The following NSRP1 variants were observed in gnomAD, a reference collection of about 807,000 sequenced individuals.
NSRP1 encodes nuclear speckle splicing regulatory protein 1.
A neutral mutation model predicts 54.7 loss-of-function variants in NSRP1; 24 were observed. The observed-to-expected ratio is 0.44, with a 90% CI of 0.32 to 0.62. The LOEUF (loss-of-function observed/expected upper bound fraction) is 0.62, where lower values mean the gene tolerates loss of function less well. Among genes scored for constraint, NSRP1 ranks in the 20% least tolerant of loss-of-function variants. The pLI, the probability that NSRP1 is intolerant of heterozygous loss-of-function variation, is 0.06. For synonymous variants in NSRP1, 210 were observed against 213.8 expected (o/e 0.98, Z 0.15); for missense variants, 596 against 651.2 (o/e 0.92, Z 0.92).
intron 2 of NSRP1, among the ~76,000 whole-genome samples, chr17:30,172,066 T>C (rs1024188504): frequency 1.1e-4 from 16 of 149,764 alleles, no homozygotes; most frequent in African/African-American, 3.9e-4. Flanking sequence ...ATGACAGTAG[T>C]GAATTTAGGA....
intron 2 of NSRP1, among the ~76,000 whole-genome samples, chr17:30,159,358 T>TTG (rs1175262839): frequency 3.3e-5 from 5 of 151,794 alleles, no homozygotes; most frequent in Admixed American, 6.6e-5. Context: ...GAGGTTTTTT[T>TTG]TGTGTGTGTG....
intron 2 of NSRP1, among the ~76,000 whole-genome samples, chr17:30,143,229 ATT>A (rs1434955433): frequency 6.6e-6 from 1 of 152,176 alleles, no homozygotes; most frequent in Admixed American, 6.5e-5. Context: ...TCACTCCTGA[ATT>A]TATCAAAAGC....
chr17:30,133,687 T>C (rs950726744), intron 2 of NSRP1, among the ~76,000 whole-genome samples: 1 of 152,244 alleles, frequency 6.6e-6, no homozygotes, highest in Non-Finnish European at 1.5e-5. Context: ...TTTGTCTACA[T>C]TGAGAATCTG....
Position 30,185,676 on chromosome 17 carries a change from G to A in NSRP1, c.*2G>A. ...TATATTGAGAAAGAAGATGATTGATGGCTACCCCAAGAGAAAGATTTAAGG... is the reference window on the plus strand; with the variant it reads ...TATATTGAGAAAGAAGATGATTGATAGCTACCCCAAGAGAAAGATTTAAGG... On this transcript the variant is annotated 3_prime_UTR_variant, in exon 7 of 7. Transcript: ENST00000247026. 6.4e-7 allele frequency: 1 copy of A among 1,550,922 alleles called. No individual in the cohort carries two copies. Among genetic ancestry groups the A allele is most frequent in the Non-Finnish European group, 8.7e-7 (1 of 1,154,472 alleles).
At chr17:30,142,991 A>G (rs571146890) in intron 2 of NSRP1, among the ~76,000 whole-genome samples, 6 of 152,314 alleles carry the variant, frequency 3.9e-5, no homozygotes, top group South Asian at 2.1e-4. Flanking sequence ...CTGTTTGACA[A>G]TTTCTAATTG....
At chr17:30,158,509 T>G (rs1379451305) in intron 2 of NSRP1, among the ~76,000 whole-genome samples, 1 of 152,126 alleles carries the variant, frequency 6.6e-6, no homozygotes, top group Non-Finnish European at 1.5e-5. Context: ...TCCTGTGCTT[T>G]TGGGATCTTG....
chr17:30,131,449 T>C (rs887450647), intron 2 of NSRP1, among the ~76,000 whole-genome samples: 1 of 152,140 alleles, frequency 6.6e-6, no homozygotes, highest in African/African-American at 2.4e-5. Context: ...AGTAAATATC[T>C]CAGTAAAGCA....
intron 2 of NSRP1, among the ~76,000 whole-genome samples, chr17:30,160,811 C>A (rs1904486434): frequency 6.6e-6 from 1 of 152,146 alleles, no homozygotes; most frequent in African/African-American, 2.4e-5. Flanking sequence ...TAAGACAGAT[C>A]TGTGCTCTCA....
chr17:30,119,004 T>A (rs1478587498), intron 2 of NSRP1, among the ~76,000 whole-genome samples: 1 of 152,128 alleles, frequency 6.6e-6, no homozygotes, highest in Non-Finnish European at 1.5e-5. Context: ...TGCCTCAGCT[T>A]CCCAAAGTGC....
intron 2 of NSRP1, among the ~76,000 whole-genome samples, chr17:30,166,967 A>G (rs1904753029): frequency 1.3e-5 from 2 of 152,092 alleles, no homozygotes; most frequent in South Asian, 2.1e-4. Context: ...TCTGTCAAAC[A>G]CTGAATATAT....
At chr17:30,132,151 G>A (rs897476202) in intron 2 of NSRP1, among the ~76,000 whole-genome samples, 14 of 151,670 alleles carry the variant, frequency 9.2e-5, no homozygotes, top group African/African-American at 3.4e-4. Flanking sequence ...CGGAGGCTGA[G>A]GCAGGAGAAT....
rs540167998 is a variant in NSRP1, at chr17:30,156,854, C to T, written c.115-15688C>T. 3.9e-5 allele frequency among the ~76,000 whole-genome samples: 6 copies of T among 152,228 alleles called. No individual in the cohort carries two copies. The East Asian group carries it at 1.2e-3, about 29-fold the overall frequency. ...TTTTTTATGGCCAAATGGTACTCCA[C>T]TGTGTAAATATGCCACATTTTCTTT... On this transcript the variant is annotated intron_variant, in intron 2 of 6. Transcript: ENST00000247026.
chr17:30,169,644 C>T (rs1199361014), intron 2 of NSRP1, among the ~76,000 whole-genome samples: 2 of 152,016 alleles, frequency 1.3e-5, no homozygotes, highest in South Asian at 4.2e-4. Flanking sequence ...CTTAGCATAG[C>T]ACCTAGCTCA....
At chr17:30,120,259 TAA>T (rs2071585182) in intron 2 of NSRP1, among the ~76,000 whole-genome samples, 1 of 152,218 alleles carries the variant, frequency 6.6e-6, no homozygotes, top group Non-Finnish European at 1.5e-5. Flanking sequence ...AACAGTGACT[TAA>T]GTTTTTCTTC....
intron 2 of NSRP1, chr17:30,168,285 AGTT>A (rs1488732936): frequency 6.6e-6 from 1 of 152,064 alleles, no homozygotes; most frequent in Non-Finnish European, 1.5e-5. Flanking sequence ...TTATTTCTGA[AGTT>A]GTTAGGATTA....
At chr17:30,173,140 T>G (rs1415771711) in intron 3 of NSRP1, among the ~76,000 whole-genome samples, 1 of 152,112 alleles carries the variant, frequency 6.6e-6, no homozygotes, top group Non-Finnish European at 1.5e-5. Context: ...ATTTTTATAT[T>G]TTTAGTAGAG....
intron 2 of NSRP1, among the ~76,000 whole-genome samples, chr17:30,166,777 T>G (rs558031522): frequency 5.3e-5 from 8 of 151,986 alleles, no homozygotes; most frequent in African/African-American, 1.7e-4. Context: ...ACAAAAAAAA[T>G]TAGCCACGCA....
At chr17:30,142,280 A>G (rs543804292) in intron 2 of NSRP1, among the ~76,000 whole-genome samples, 21 of 152,228 alleles carry the variant, frequency 1.4e-4, no homozygotes, top group East Asian at 7.7e-4. Flanking sequence ...TTTCAAAACT[A>G]TGTTAAATAT....
At chr17:30,153,224 G>A (rs1178828085) in intron 2 of NSRP1, among the ~76,000 whole-genome samples, 3 of 151,686 alleles carry the variant, frequency 2.0e-5, no homozygotes, top group African/African-American at 7.3e-5. Context: ...GCCTATTTTC[G>A]GCATTTTTAT....
Sources: gnomAD v4.1 joint callset for allele counts (sites outside exome capture counted in the v4.1 genomes callset) on GRCh38, gnomAD v4.1.1 for gene constraint, MANE v1.5 for transcripts, NCBI Gene and HGNC (gene_info 2026-07-23, HGNC 2026-07-21) for gene names.